HS6ST3: variants seen among roughly 807,000 people sequenced by gnomAD.
HS6ST3 encodes the protein heparan-sulfate 6-O-sulfotransferase 3.
In HS6ST3, 12 loss-of-function variants were observed where a neutral mutation model predicts 36.7. The observed-to-expected ratio is 0.33, with a 90% confidence interval of 0.21 to 0.53. The LOEUF is 0.53. Among genes scored for constraint, HS6ST3 ranks in the 20% least tolerant of loss-of-function variants. HS6ST3 has a pLI of 0.95. For missense variants in HS6ST3, 584 were observed against 640.9 expected (o/e 0.91, Z 0.96); for synonymous variants, 240 against 257.5 (o/e 0.93, Z 0.65).
At chr13:96,209,758 C>G (rs2054389552) in intron 1 of HS6ST3, among the ~76,000 whole-genome samples, 1 of 152,118 alleles carries the variant, frequency 6.6e-6, no homozygotes, top group South Asian at 2.1e-4. Flanking sequence ...GTTAGCCATC[C>G]TTATACATAG....
At chr13:96,503,274 A>G (rs528854046) in intron 1 of HS6ST3, among the ~76,000 whole-genome samples, 1 of 152,238 alleles carries the variant, frequency 6.6e-6, no homozygotes, top group East Asian at 1.9e-4. Context: ...TAGAATGTTC[A>G]CAACAGAGTA....
chr13:96,721,215 A>G (rs557850510), intron 1 of HS6ST3, among the ~76,000 whole-genome samples: 5 of 152,292 alleles, frequency 3.3e-5, no homozygotes, highest in African/African-American at 1.2e-4. Context: ...GTGCTTAGAT[A>G]TATAATTTTA....
chr13:96,283,086 C>G (rs2054783532), intron 1 of HS6ST3, among the ~76,000 whole-genome samples: 1 of 152,156 alleles, frequency 6.6e-6, no homozygotes, highest in East Asian at 1.9e-4. Context: ...ATCCCAGACT[C>G]AATGTTTGTT....
intron 1 of HS6ST3, among the ~76,000 whole-genome samples, chr13:96,820,375 G>A (rs1288679365): frequency 1.3e-5 from 2 of 152,250 alleles, no homozygotes; most frequent in East Asian, 3.9e-4. Flanking sequence ...ATGGAGAAGG[G>A]AGAACGCTGA....
chr13:96,117,349 CATA>C (rs1213394237), intron 1 of HS6ST3, among the ~76,000 whole-genome samples: 1 of 152,098 alleles, frequency 6.6e-6, no homozygotes, highest in African/African-American at 2.4e-5. Flanking sequence ...TAACAAAAAT[CATA>C]ATAAGTATCA....
intron 1 of HS6ST3, among the ~76,000 whole-genome samples, chr13:96,416,545 T>A (rs2055533744): frequency 6.6e-6 from 1 of 152,210 alleles, no homozygotes; most frequent in Admixed American, 6.5e-5. Flanking sequence ...GTTTGCTGGT[T>A]GTTCATGCCA....
At position 96,194,014 on chromosome 13, in the gene HS6ST3, C is replaced by T. The variant is rs142118773; in HGVS notation, c.707+102445C>T. On this transcript the variant is annotated intron_variant, in intron 1 of 1. Transcript: ENST00000376705. ...ATAACAACAGACATGAGTTATTGGA[C>T]GTTTACAATGGGCTAAGCGTTTGTG... 1.3e-4 allele frequency among the ~76,000 whole-genome samples: 20 copies of T among 152,188 alleles called. No individual in the cohort carries two copies. In the East Asian group the frequency reaches 3.1e-3, roughly 24 times the overall value.
At chr13:96,801,213 C>T (rs1358189618) in intron 1 of HS6ST3, among the ~76,000 whole-genome samples, 1 of 152,148 alleles carries the variant, frequency 6.6e-6, no homozygotes, top group Non-Finnish European at 1.5e-5. Flanking sequence ...TTGTTTGACT[C>T]TCCTCTGCCA....
At chr13:96,749,830 G>C (rs1297108819) in intron 1 of HS6ST3, among the ~76,000 whole-genome samples, 2 of 151,936 alleles carry the variant, frequency 1.3e-5, no homozygotes, top group Admixed American at 6.6e-5. Context: ...ATTTGTATAA[G>C]ATTATGCATA....
At chr13:96,168,122 C>T (rs926012624) in intron 1 of HS6ST3, among the ~76,000 whole-genome samples, 10 of 152,082 alleles carry the variant, frequency 6.6e-5, no homozygotes, top group South Asian at 2.1e-4. Flanking sequence ...GCCTCTAGAC[C>T]GTGAAAACTA....
At chr13:96,710,927 C>T (rs1163119301) in intron 1 of HS6ST3, among the ~76,000 whole-genome samples, 1 of 152,224 alleles carries the variant, frequency 6.6e-6, no homozygotes, top group Non-Finnish European at 1.5e-5. Flanking sequence ...ATGGACATAG[C>T]AAGTTGGAAC....
At position 96,544,568 on chromosome 13, in the gene HS6ST3, A is replaced by G. The variant is rs141762221; in HGVS notation, c.708-287922A>G. Among the ~76,000 whole-genome samples the G allele has an allele frequency of 1.3e-3, 195 of 152,316 alleles. 2 individuals carry two copies. Among genetic ancestry groups the G allele is most frequent in the African/African-American group, 4.6e-3 (190 of 41,580 alleles). On this transcript the variant is annotated intron_variant, in intron 1 of 1. Transcript: ENST00000376705. The stretch of plus-strand genomic sequence containing the variant: ...CAAATAGGGGCTTGAACAGATCTGT[A>G]AAATGTAAATCATTATTACCTTTAT...
At chr13:96,281,109 G>A (rs1351116442) in intron 1 of HS6ST3, among the ~76,000 whole-genome samples, 2 of 152,006 alleles carry the variant, frequency 1.3e-5, no homozygotes, top group South Asian at 2.1e-4. Flanking sequence ...TGGTTCAAGC[G>A]ATTCTCCTGC....
At chr13:96,403,024 A>G (rs1021929191) in intron 1 of HS6ST3, among the ~76,000 whole-genome samples, 1 of 152,194 alleles carries the variant, frequency 6.6e-6, no homozygotes, top group African/African-American at 2.4e-5. Context: ...CCAGTAATGT[A>G]TGAGATTCCC....
chr13:96,546,933 T>G (rs901644232), intron 1 of HS6ST3, among the ~76,000 whole-genome samples: 2 of 152,226 alleles, frequency 1.3e-5, no homozygotes, highest in Non-Finnish European at 1.5e-5. Flanking sequence ...GCTATGCACC[T>G]CTTGTATTTA....
intron 1 of HS6ST3, among the ~76,000 whole-genome samples, chr13:96,203,876 C>T (rs997956193): frequency 2.0e-5 from 3 of 152,094 alleles, no homozygotes; most frequent in Non-Finnish European, 4.4e-5. Context: ...TGTCAGAGTT[C>T]CTGTACATCC....
intron 1 of HS6ST3, among the ~76,000 whole-genome samples, chr13:96,443,842 T>A (rs554408439): frequency 9.2e-5 from 14 of 152,304 alleles, no homozygotes; most frequent in Non-Finnish European, 1.8e-4. Context: ...GGAATCAACC[T>A]GTAGAAAAAG....
intron 1 of HS6ST3, among the ~76,000 whole-genome samples, chr13:96,109,816 T>C (rs2053859302): frequency 6.6e-6 from 1 of 152,152 alleles, no homozygotes. Flanking sequence ...ATATGGCATG[T>C]CCTGGGCAAT....
At chr13:96,596,280 G>GT (rs2056401221) in intron 1 of HS6ST3, among the ~76,000 whole-genome samples, 1 of 152,034 alleles carries the variant, frequency 6.6e-6, no homozygotes, top group Non-Finnish European at 1.5e-5. Flanking sequence ...CATTATTTTG[G>GT]TTTTTTATGG....
Sources: allele counts gnomAD v4.1 joint callset (sites outside exome capture counted in the v4.1 genomes callset), GRCh38; gene constraint gnomAD v4.1.1; transcripts MANE v1.5; gene names NCBI Gene and HGNC (gene_info 2026-07-23, HGNC 2026-07-21).